The following ERCC3 variants were observed in gnomAD, a reference collection of about 807,000 sequenced individuals.
The protein encoded by ERCC3 is ERCC excision repair 3, TFIIH core complex helicase subunit, also known as general transcription and DNA repair factor IIH helicase/translocase subunit XPB.
In ERCC3, 66 loss-of-function variants were observed where a neutral mutation model predicts 94.2. The observed-to-expected ratio is 0.70, with a 90% CI of 0.57 to 0.86. The LOEUF (loss-of-function observed/expected upper bound fraction) is 0.86, where lower values mean the gene tolerates loss of function less well. ERCC3 is among the 40% of genes least tolerant of loss of function. The probability of loss-of-function intolerance (pLI) is 0.00; values close to 1 mark genes in which losing one functional copy is unlikely to be tolerated. For missense variants in ERCC3, 829 were observed against 987.1 expected (o/e 0.84, Z 2.15); for synonymous variants, 349 against 369.1 (o/e 0.95, Z 0.63).
At chr2:127,266,543 T>G (rs1684373278) in intron 12 of ERCC3, among the ~76,000 whole-genome samples, 1 of 151,588 alleles carries the variant, frequency 6.6e-6, no homozygotes, top group Non-Finnish European at 1.5e-5. Flanking sequence ...TTCACTGTGT[T>G]AGCCAGGATG....
At position 127,289,770 on chromosome 2, in the gene ERCC3, G is replaced by A. The variant is rs746534404; in HGVS notation, c.576C>T (p.Pro192=). The stretch of plus-strand genomic sequence containing the variant: ...TTCTTAAGCGGCATTCTCGGATCAC[G>A]GGGTCCTGGAGAAGATGCTGGATTA... ...PDVIQHLLQD[P]VIRECRLRNS... Residue 192 remains proline (P), a synonymous_variant, in exon 5 of 15, where the codon CCC becomes CCT. Transcript: ENST00000285398. 1.3e-5 allele frequency: 21 copies of A among 1,613,936 alleles called. No homozygotes were observed. The highest frequency in any genetic ancestry group is 5.3e-5 in the African/African-American group (4 of 74,888).
At position 127,264,847 on chromosome 2, in the gene ERCC3, ATTT is replaced by A. The variant is rs566656100; in HGVS notation, c.1946-3504_1946-3502del. On this transcript the variant is annotated intron_variant, in intron 12 of 14. Transcript: ENST00000285398. This position sits in a 1 kb window ranked among gnomAD's most constrained non-coding sequence, Gnocchi z 4.4. ...GGTCCAGGACTTTTTTAGTTGGTAG[ATTT>A]TTTTTTTTTTTTTTGGAGGCGGAGT... Among the ~76,000 whole-genome samples, 13 of 138,612 alleles carry A rather than the reference ATTT, an allele frequency of 9.4e-5. No individual in the cohort carries two copies. The highest frequency in any genetic ancestry group is 9.4e-5 in the Non-Finnish European group (6 of 63,498). The allele number at this position is 138,612 out of a possible 152,430, so 90.9% of individuals were successfully genotyped here.
chr2:127,294,107 T>A lies in ERCC3; in HGVS notation c.-26A>T, dbSNP rs776235470. The A allele has an allele frequency of 6.9e-6, 11 of 1,605,214 alleles. No homozygotes were observed. The African/African-American group carries it at 1.1e-4, about 16-fold the overall frequency. ...GGCAGCTACAGCAGCAGAGAGAAGA[T>A]GACCCCGCTCCCACAGGCCCGCCGC... On this transcript the variant is annotated 5_prime_UTR_variant, in exon 1 of 15. Coordinates refer to ENST00000285398, the MANE Select transcript of ERCC3 (RefSeq NM_000122.2).
intron 12 of ERCC3, among the ~76,000 whole-genome samples, chr2:127,269,525 C>A (rs988578258): frequency 6.6e-5 from 10 of 150,710 alleles, no homozygotes; most frequent in African/African-American, 2.4e-4. Flanking sequence ...GGGTTCACGC[C>A]ATTCTCCTGC....
At position 127,286,809 on chromosome 2, in the gene ERCC3, CATGGAGTAGGTGCTA is replaced by C. The variant is rs1249227759; in HGVS notation, c.1221_1235del (p.Ile407_Ser411del). On this transcript the variant is annotated inframe_deletion, in exon 8 of 15. Transcript: ENST00000285398. ...AGGACCTTTTGGTGGTGTGGCCCAG[CATGGAGTAGGTGCTA>C]ATGGCAACGGAGCAGCCGATGGGCT... is the stretch of plus-strand genomic sequence containing the variant. 6.2e-7 allele frequency: 1 copy of C among 1,614,160 alleles called. No homozygotes were observed. Among genetic ancestry groups the C allele is most frequent in the South Asian group, 1.1e-5 (1 of 91,086 alleles).
In ERCC3 at chr2:127,259,546, C is replaced by A. The variant is rs1284179203; in HGVS notation, c.2065-98G>T. ...TCCACCTGCTTTGGTCACTTCCCTC[C>A]CCAGGCCCAGCCACCCTGGTGGCCA... is the stretch of plus-strand genomic sequence containing the variant. On this transcript the variant is annotated intron_variant, in intron 13 of 14. Coordinates refer to ENST00000285398, the MANE Select transcript of ERCC3 (RefSeq NM_000122.2). The surrounding 1 kb of genome is among the most constrained non-coding windows in gnomAD (Gnocchi z 4.9). 3 of 1,522,226 alleles carry A rather than the reference C, an allele frequency of 2.0e-6. No individual in the cohort carries two copies. The highest frequency in any genetic ancestry group is 2.7e-6 in the Non-Finnish European group (3 of 1,106,242). 94.3% of individuals were successfully genotyped at this position (1,522,226 alleles called of 1,614,324 possible). A position where few individuals can be genotyped will look rare whatever the true frequency, so the allele number is the denominator to read the frequency against.
In ERCC3 at chr2:127,286,866, G is replaced by C; in HGVS notation, c.1179C>G (p.Thr393=). Residue 393 remains threonine, a synonymous_variant, in exon 8 of 15, where the codon ACC becomes ACG. Coordinates refer to ENST00000285398, the MANE Select transcript of ERCC3 (RefSeq NM_000122.2). ...CGATGGGCTTGTCCTTGGCATCGGA[G>C]GTGAACCGGCAGATCTGGCTGTCGT... ...TIDDSQICRF[T]SDAKDKPIGC... 1.2e-6 allele frequency: 2 copies of C among 1,614,218 alleles called. No individual in the cohort carries two copies. The highest frequency in any genetic ancestry group is 1.7e-6 in the Non-Finnish European group (2 of 1,180,044).
chr2:127,289,965 G>T, intron 4 of ERCC3, 141 bp from the exon 5 acceptor site: 1 of 1,029,888 alleles, frequency 9.7e-7, no homozygotes, highest in Non-Finnish European at 1.5e-6. Context: ...ACCATGAGCT[G>T]CCGGCCATGA....
rs1023202167 is a variant in ERCC3 at position 127,271,282 on chromosome 2, A to G, written c.1945+54T>C. ...TCTCACCCCTATCGTCTTCCTAACTAAAGTGGTTTAAGAGGAGTGACCTCC... is the reference window on the plus strand; with the variant it reads ...TCTCACCCCTATCGTCTTCCTAACTGAAGTGGTTTAAGAGGAGTGACCTCC... On this transcript the variant is annotated intron_variant, in intron 12 of 14. Coordinates refer to ENST00000285398, the MANE Select transcript of ERCC3 (RefSeq NM_000122.2). This position sits in a 1 kb window ranked among gnomAD's most constrained non-coding sequence, Gnocchi z 5.0. The G allele has an allele frequency of 2.4e-6, 3 of 1,224,862 alleles. No individual in the cohort carries two copies. The highest frequency in any genetic ancestry group is 1.5e-5 in the African/African-American group (1 of 67,444). The allele number at this position is 1,224,862 out of a possible 1,614,324, so 75.9% of individuals were successfully genotyped here. A position where few individuals can be genotyped will look rare whatever the true frequency, so the allele number is the denominator to read the frequency against.
Position 127,274,792 on chromosome 2 carries a change from G to A in ERCC3, c.1731-1831C>T. On this transcript the variant is annotated intron_variant, in intron 10 of 14. Transcript: ENST00000285398. The surrounding 1 kb of genome is among the most constrained non-coding windows in gnomAD (Gnocchi z 4.0). ...CAGGAAAAACTACTTGCACAGTGGGGAGCCCTCAGTTTCTAAAGGTTCCCC... is the reference window on the plus strand; with the variant it reads ...CAGGAAAAACTACTTGCACAGTGGGAAGCCCTCAGTTTCTAAAGGTTCCCC... Among the ~76,000 whole-genome samples, 1 of 152,162 alleles carries A rather than the reference G, an allele frequency of 6.6e-6. No homozygotes were observed. Among genetic ancestry groups the A allele is most frequent in the Non-Finnish European group, 1.5e-5 (1 of 68,030 alleles).
At chr2:127,290,969 C>A (rs1323689698) in intron 3 of ERCC3, 1 of 152,972 alleles carries the variant, frequency 6.5e-6, no homozygotes, top group African/African-American at 2.4e-5. Context: ...ATAATCCCAG[C>A]TACTTGGGAG....
At chr2:127,273,933 T>C (rs1033754164) in intron 10 of ERCC3, among the ~76,000 whole-genome samples, 4 of 151,142 alleles carry the variant, frequency 2.6e-5, no homozygotes, top group Non-Finnish European at 4.4e-5. Flanking sequence ...GTGATGATGA[T>C]GATGACAACA....
intron 10 of ERCC3, among the ~76,000 whole-genome samples, chr2:127,275,692 T>C (rs2104754990): frequency 6.6e-6 from 1 of 152,226 alleles, no homozygotes; most frequent in East Asian, 1.9e-4. Context: ...AAAGTAAATA[T>C]AGGAACTGTC....
chr2:127,278,715 T>C (rs1057085250), intron 10 of ERCC3, among the ~76,000 whole-genome samples: 2 of 152,244 alleles, frequency 1.3e-5, no homozygotes, highest in Non-Finnish European at 2.9e-5. Flanking sequence ...CATGGGTTGA[T>C]GAGGATACTG....
chr2:127,261,534 A>C, intron 12 of ERCC3, 188 bp from the exon 13 acceptor site: 1 of 624,726 alleles, frequency 1.6e-6, no homozygotes, highest in South Asian at 1.7e-5. Context: ...GGACACCATC[A>C]AGTGAAAAAA....
chr2:127,280,388 A>T lies in ERCC3; in HGVS notation c.1527+59T>A, dbSNP rs1339398910. 6.9e-6 allele frequency: 10 copies of T among 1,458,932 alleles called. No individual in the cohort carries two copies. Among genetic ancestry groups the T allele is most frequent in the African/African-American group, 1.4e-5 (1 of 71,660 alleles). 90.4% of individuals were successfully genotyped at this position (1,458,932 alleles called of 1,614,324 possible). On this transcript the variant is annotated intron_variant, in intron 9 of 14. Coordinates refer to ENST00000285398, the MANE Select transcript of ERCC3 (RefSeq NM_000122.2). This position sits in a 1 kb window ranked among gnomAD's most constrained non-coding sequence, Gnocchi z 6.3. ...CTGCCCATGAGGAATCGATCTGATC[A>T]CTCCCCTGCCCATAGGAGGAGGCCC...
At position 127,291,482 on chromosome 2, in the gene ERCC3, A is replaced by C. The variant is rs1685268934; in HGVS notation, c.471+1128T>G. Among the ~76,000 whole-genome samples, 1 of 152,008 alleles carries C rather than the reference A, an allele frequency of 6.6e-6. No homozygotes were observed. The highest frequency in any genetic ancestry group is 1.5e-5 in the Non-Finnish European group (1 of 68,000). On this transcript the variant is annotated intron_variant, in intron 3 of 14. Transcript: ENST00000285398. This position sits in a 1 kb window ranked among gnomAD's most constrained non-coding sequence, Gnocchi z 4.9. The stretch of plus-strand genomic sequence containing the variant: ...CGCCATGTTGGCCAGGCTGGTCTTG[A>C]ACTCCTGACCCCAGGTGGTCCACCC...
chr2:127,266,720 T>A (rs1279975236), intron 12 of ERCC3, among the ~76,000 whole-genome samples: 16 of 144,890 alleles, frequency 1.1e-4, no homozygotes, highest in South Asian at 2.3e-4. Context: ...TTTTTTTTTT[T>A]TTTTTTTTTT....
rs2104776885 is a variant in ERCC3 at position 127,289,840 on chromosome 2, G to A, written c.522-16C>T. 1 of 1,614,074 alleles carries A rather than the reference G, an allele frequency of 6.2e-7. No homozygotes were observed. The highest frequency in any genetic ancestry group is 8.5e-7 in the Non-Finnish European group (1 of 1,179,972). On this transcript the variant is annotated splice_polypyrimidine_tract_variant and intron_variant, in intron 4 of 14. Coordinates refer to ENST00000285398, the MANE Select transcript of ERCC3 (RefSeq NM_000122.2). ...AACGAAGTATCTGCAAGCAGGGGAG[G>A]AAGAAGGGGTCTACTGACCAGCAGG... is the stretch of plus-strand genomic sequence containing the variant.
Sources: gnomAD v4.1 joint callset for allele counts (sites outside exome capture counted in the v4.1 genomes callset) on GRCh38, gnomAD v4.1.1 for gene constraint, Gnocchi (gnomAD v3.1) non-coding constraint, MANE v1.5 for transcripts, NCBI Gene and HGNC (gene_info 2026-07-23, HGNC 2026-07-21) for gene names.